Variants in RORA observed in about 807,000 individuals in gnomAD.
RORA encodes the protein RAR related orphan receptor A.
A neutral mutation model predicts 69.5 loss-of-function variants in RORA; 7 were observed. The ratio of observed to expected loss-of-function variants is 0.10; its 90% CI spans 0.06 to 0.19. The LOEUF (loss-of-function observed/expected upper bound fraction) is 0.19. Ranked by LOEUF, RORA falls within the 10% of genes least tolerant of loss-of-function variation. RORA has a pLI of 1.00. For missense variants in RORA, 457 were observed against 663.0 expected, an observed-to-expected ratio of 0.69 and a Z score of 3.41; for synonymous variants, 261 against 240.8, an observed-to-expected ratio of 1.08 and a Z score of -0.78.
Position 61,055,090 on chromosome 15 carries a change from G to C in RORA, c.166+173963C>G, listed in dbSNP as rs554603399. On this transcript the variant is annotated intron_variant, in intron 1 of 10. Transcript: ENST00000335670. ...GGGCTCAAGGGATCCACCTGCCTTGGCTTCCCAAAGTGCTGGGATTATAGG... is the reference window on the plus strand; with the variant it reads ...GGGCTCAAGGGATCCACCTGCCTTGCCTTCCCAAAGTGCTGGGATTATAGG... Among the ~76,000 whole-genome samples, 3 of 152,204 alleles carry C rather than the reference G, an allele frequency of 2.0e-5. No individual in the cohort carries two copies. In the South Asian group the frequency reaches 6.2e-4, roughly 32 times the overall value.
rs193247092 is a variant in RORA at position 60,790,980 on chromosome 15, C to A, written c.167-112294G>T. On this transcript the variant is annotated intron_variant, in intron 1 of 10. Transcript: ENST00000335670. The stretch of plus-strand genomic sequence containing the variant: ...CTAGAAACGCCCCCCCATTGCCCCC[C>A]CAAAAAGCTTCAAAATCCAGGACTG... Among the ~76,000 whole-genome samples the A allele has an allele frequency of 3.9e-5, 6 of 152,236 alleles. No individual in the cohort carries two copies. In the East Asian group the frequency reaches 5.8e-4, roughly 15 times the overall value.
At chr15:60,954,286 C>T (rs867924535) in intron 1 of RORA, among the ~76,000 whole-genome samples, 4,629 of 98,584 alleles carry the variant, frequency 0.047, 280 homozygotes, top group African/African-American at 0.17. Context: ...ACTCTGGGGA[C>T]GGTGGTGGGG....
At chr15:60,946,315 C>G (rs190311550) in intron 1 of RORA, among the ~76,000 whole-genome samples, 208 of 152,262 alleles carry the variant, frequency 1.4e-3, no homozygotes, top group African/African-American at 4.7e-3. Flanking sequence ...CCTCTGATGA[C>G]GAGCCGAAGC....
chr15:60,744,107 G>A (rs2071615333), intron 1 of RORA, among the ~76,000 whole-genome samples: 1 of 150,312 alleles, frequency 6.7e-6, no homozygotes, highest in Non-Finnish European at 1.5e-5. Context: ...TTGAGAAGGA[G>A]GAGTGATTAA....
chr15:60,760,104 T>G (rs2140871327), intron 1 of RORA, among the ~76,000 whole-genome samples: 1 of 152,306 alleles, frequency 6.6e-6, no homozygotes, highest in South Asian at 2.1e-4. Flanking sequence ...TTAAAAGGTT[T>G]TAATTTACTT....
At chr15:60,957,206 A>C (rs910924299) in intron 1 of RORA, among the ~76,000 whole-genome samples, 3 of 152,256 alleles carry the variant, frequency 2.0e-5, no homozygotes, top group Non-Finnish European at 4.4e-5. Context: ...CGTTCAAGTA[A>C]GGTATTATTA....
chr15:60,556,997 T>G (rs910786709), intron 2 of RORA: 1 of 1,291,214 alleles, frequency 7.7e-7, no homozygotes, highest in East Asian at 2.3e-5. Flanking sequence ...TATTTATGCA[T>G]AGCACATCCC....
intron 1 of RORA, among the ~76,000 whole-genome samples, chr15:61,185,990 C>T (rs1041742552): frequency 6.6e-6 from 1 of 152,192 alleles, no homozygotes; most frequent in African/African-American, 2.4e-5. Context: ...CAGTGGTTAA[C>T]CTTCACTCTA....
chr15:60,628,700 C>G (rs1052122912), intron 2 of RORA, among the ~76,000 whole-genome samples: 1 of 152,174 alleles, frequency 6.6e-6, no homozygotes, highest in East Asian at 1.9e-4. Flanking sequence ...TCAGCATCTT[C>G]CACATAAATA....
intron 2 of RORA, 69 bp downstream of exon 2, chr15:60,678,588 C>T: frequency 8.5e-7 from 1 of 1,175,840 alleles, no homozygotes; most frequent in Non-Finnish European, 1.3e-6. Context: ...TGAAGGGTCA[C>T]AGCAGCCAGA....
At position 61,086,257 on chromosome 15, in the gene RORA, G is replaced by A. The variant is rs74020842; in HGVS notation, c.166+142796C>T. Reference sequence around the variant, plus strand: ...ATCACAGAGTTATCTGGCCTGGTGCGAAAGAGCAAAAGCACTGGGCTGGGG... The same window carrying A: ...ATCACAGAGTTATCTGGCCTGGTGCAAAAGAGCAAAAGCACTGGGCTGGGG... On this transcript the variant is annotated intron_variant, in intron 1 of 10. Transcript: ENST00000335670. 9.0e-3 allele frequency among the ~76,000 whole-genome samples: 1,375 copies of A among 152,322 alleles called. 29 individuals carry two copies. Among genetic ancestry groups the A allele is most frequent in the African/African-American group, 0.031 (1,300 of 41,570 alleles).
At chr15:61,106,850 C>T (rs1029411708) in intron 1 of RORA, among the ~76,000 whole-genome samples, 3 of 152,110 alleles carry the variant, frequency 2.0e-5, no homozygotes, top group Non-Finnish European at 2.9e-5. Flanking sequence ...GTAGGTCTTC[C>T]TACGAGCAGT....
intron 1 of RORA, among the ~76,000 whole-genome samples, chr15:60,832,071 G>T (rs1274841999): frequency 6.6e-6 from 1 of 152,132 alleles, no homozygotes; most frequent in African/African-American, 2.4e-5. Flanking sequence ...GTATGTTATC[G>T]CAAAGACAGC....
chr15:60,591,838 C>T (rs1410056574), intron 2 of RORA, among the ~76,000 whole-genome samples: 5 of 152,054 alleles, frequency 3.3e-5, no homozygotes, highest in East Asian at 1.9e-4. Context: ...GGCACTTGCC[C>T]GGCCGGCGGC....
At chr15:60,766,853 G>A (rs1223920605) in intron 1 of RORA, among the ~76,000 whole-genome samples, 2 of 152,022 alleles carry the variant, frequency 1.3e-5, no homozygotes, top group African/African-American at 2.4e-5. Flanking sequence ...TCTGTATGTG[G>A]CTAAAGTCAG....
intron 1 of RORA, among the ~76,000 whole-genome samples, chr15:60,942,351 C>T (rs966852961): frequency 2.0e-5 from 3 of 152,342 alleles, no homozygotes; most frequent in South Asian, 2.1e-4. Flanking sequence ...AATCAGTGCT[C>T]TTCCCCCTAG....
chr15:60,542,726 A>ACGGG (rs2066931604), intron 2 of RORA, among the ~76,000 whole-genome samples: 1 of 143,764 alleles, frequency 7.0e-6, no homozygotes, highest in African/African-American at 2.9e-5. Context: ...CACACGGCAC[A>ACGGG]CAGGCACACC....
At chr15:60,772,844 G>A (rs2072098562) in intron 1 of RORA, among the ~76,000 whole-genome samples, 1 of 152,168 alleles carries the variant, frequency 6.6e-6, no homozygotes, top group Non-Finnish European at 1.5e-5. Context: ...GGCTCAATTA[G>A]TGGAATCCTA....
intron 1 of RORA, among the ~76,000 whole-genome samples, chr15:60,829,754 A>C (rs2073016009): frequency 2.0e-5 from 3 of 152,268 alleles, no homozygotes; most frequent in Non-Finnish European, 4.4e-5. Flanking sequence ...ATAAAAGGCC[A>C]GTGCTGGTGA....
Sources: gnomAD v4.1 joint callset for allele counts (sites outside exome capture counted in the v4.1 genomes callset) on GRCh38, gnomAD v4.1.1 for gene constraint, MANE v1.5 for transcripts, NCBI Gene and HGNC (gene_info 2026-07-23, HGNC 2026-07-21) for gene names.